CABP1: variants seen among roughly 807,000 people sequenced by gnomAD.
CABP1 encodes the protein calcium-binding protein 1.
CABP1 carries 17 observed loss-of-function variants against 34.3 expected under a neutral mutation model. That is an observed-to-expected ratio of 0.50 (90% CI 0.34 to 0.74). The LOEUF is 0.74. Among genes scored for constraint, CABP1 ranks in the 30% least tolerant of loss-of-function variants. The pLI, the probability that CABP1 is intolerant of heterozygous loss-of-function variation, is 0.01. For synonymous variants in CABP1, 198 were observed against 229.2 expected (o/e 0.86, Z 1.23); for missense variants, 373 against 511.1 (o/e 0.73, Z 2.61).
At chr12:120,666,811 A>T in intron 5 of CABP1, 64 bp from the exon 6 acceptor site, 1 of 1,553,170 alleles carries the variant, frequency 6.4e-7, no homozygotes, top group Non-Finnish European at 8.7e-7. Context: ...TGGGGTCTGA[A>T]GGCAGCAACC....
chr12:120,648,931 C>A (rs1879676269), intron 1 of CABP1, among the ~76,000 whole-genome samples: 1 of 152,020 alleles, frequency 6.6e-6, no homozygotes, highest in South Asian at 2.1e-4. Flanking sequence ...CCAGACCTCC[C>A]CGTCCTTCCC....
At chr12:120,655,447 G>T (rs1880117281) in intron 1 of CABP1, 6 of 737,276 alleles carry the variant, frequency 8.1e-6, no homozygotes, top group Non-Finnish European at 1.0e-5. Context: ...AAAAGGAGGG[G>T]GCATGTTTCC....
intron 5 of CABP1, 82 bp from the exon 6 acceptor site, chr12:120,666,793 C>A: frequency 2.0e-6 from 3 of 1,471,004 alleles, no homozygotes; most frequent in Non-Finnish European, 2.8e-6. Context: ...GGGGCAGTGG[C>A]AACAGGGTGG....
Position 120,667,031 on chromosome 12 carries a change from G to T in CABP1, c.*131G>T. On this transcript the variant is annotated 3_prime_UTR_variant, in exon 6 of 6. Coordinates refer to ENST00000316803, the MANE Select transcript of CABP1 (RefSeq NM_001033677.2). ...CGGATGGGGCCTGCCTGCACCCCGG[G>T]GAGGCGCCCACCCCGGACCCCCACC... is the stretch of plus-strand genomic sequence containing the variant. The T allele has an allele frequency of 1.8e-6, 2 of 1,134,500 alleles. No homozygotes were observed. Among genetic ancestry groups the T allele is most frequent in the Non-Finnish European group, 2.5e-6 (2 of 786,812 alleles). The allele number at this position is 1,134,500 out of a possible 1,614,324, so 70.3% of individuals were successfully genotyped here.
chr12:120,673,225 A>G, the CABP1 span, among the ~76,000 whole-genome samples: 1 of 152,128 alleles, frequency 6.6e-6, no homozygotes, highest in South Asian at 2.1e-4. Context: ...TGCTTGCTTC[A>G]TGATAATTCA....
intron 1 of CABP1, chr12:120,650,689 T>G (rs1001605405): frequency 1.2e-6 from 2 of 1,614,000 alleles, no homozygotes; most frequent in Non-Finnish European, 1.7e-6. Context: ...GAAGGTATGT[T>G]TTTGGAGTTT....
At position 120,656,459 on chromosome 12, in the gene CABP1, A is replaced by ATG. The variant is rs1880233475; in HGVS notation, c.655-3419_655-3418insTG. On this transcript the variant is annotated intron_variant, in intron 1 of 5. Transcript: ENST00000316803. ...CCACGAGCAAAATAATGATGATGAT[A>ATG]ATAATAATAATAATATCAGATACAT... Among the ~76,000 whole-genome samples the ATG allele has an allele frequency of 8.9e-5, 8 of 89,442 alleles. No individual in the cohort carries two copies. The East Asian group carries it at 9.1e-4, about 10-fold the overall frequency. 58.7% of individuals were successfully genotyped at this position (89,442 alleles called of 152,430 possible). A position where few individuals can be genotyped will look rare whatever the true frequency, so the allele number is the denominator to read the frequency against.
At chr12:120,652,834 C>A (rs1489400391) in intron 1 of CABP1, among the ~76,000 whole-genome samples, 1 of 152,164 alleles carries the variant, frequency 6.6e-6, no homozygotes, top group Non-Finnish European at 1.5e-5. Context: ...CCTCCTGTTG[C>A]CATGCCACAC....
chr12:120,674,626 T>C, the CABP1 span, among the ~76,000 whole-genome samples: 73,105 of 152,032 alleles, frequency 0.48, 18,243 homozygotes, highest in African/African-American at 0.6. Context: ...GGGGTAGCCA[T>C]GCCTGTAATC....
downstream of CABP1, among the ~76,000 whole-genome samples, chr12:120,667,867 G>A (rs1333493138): frequency 6.6e-6 from 1 of 152,148 alleles, no homozygotes; most frequent in African/African-American, 2.4e-5. Context: ...GACTGCTAAG[G>A]GAGACTGAAG....
At chr12:120,651,760 A>G (rs888375083) in intron 1 of CABP1, among the ~76,000 whole-genome samples, 4 of 151,952 alleles carry the variant, frequency 2.6e-5, no homozygotes, top group African/African-American at 9.7e-5. Flanking sequence ...GCTCACATCA[A>G]ATTCCTTCTA....
intron 1 of CABP1, among the ~76,000 whole-genome samples, chr12:120,642,496 G>C (rs1879381590): frequency 6.6e-6 from 1 of 152,224 alleles, no homozygotes; most frequent in African/African-American, 2.4e-5. Flanking sequence ...ACATGGATTT[G>C]GGTTGCGTGG....
chr12:120,657,242 A>T lies in CABP1; in HGVS notation c.655-2636A>T, dbSNP rs151287054. On this transcript the variant is annotated intron_variant, in intron 1 of 5. Coordinates refer to ENST00000316803, the MANE Select transcript of CABP1 (RefSeq NM_001033677.2). ...CGGCTAGTGAATTGGCCAGCTTTCT[A>T]CAAGTAGCTAAATAGTTCAAAGAGA... Among the ~76,000 whole-genome samples the T allele has an allele frequency of 2.3e-3, 357 of 152,310 alleles. 2 individuals are homozygous for T. The highest frequency in any genetic ancestry group is 8.1e-3 in the African/African-American group (336 of 41,564).
Position 120,660,381 on chromosome 12 carries a change from C to G in CABP1, c.829+42C>G, listed in dbSNP as rs377392438. The G allele has an allele frequency of 2.6e-5, 41 of 1,589,630 alleles. No individual in the cohort carries two copies. The highest frequency in any genetic ancestry group is 3.5e-5 in the Non-Finnish European group (41 of 1,169,152). On this transcript the variant is annotated intron_variant, in intron 3 of 5. Coordinates refer to ENST00000316803, the MANE Select transcript of CABP1 (RefSeq NM_001033677.2). The surrounding 1 kb of genome is among the most constrained non-coding windows in gnomAD (Gnocchi z 5.0). ...GGCATCTGCGTCCCTTCGGTCCTCA[C>G]CCTTGCCGTCCTCTGCAGTCAGACA...
intron 1 of CABP1, among the ~76,000 whole-genome samples, chr12:120,643,157 G>A (rs1402218276): frequency 1.3e-5 from 2 of 152,096 alleles, no homozygotes; most frequent in African/African-American, 4.8e-5. Flanking sequence ...AATGTCACCA[G>A]GGTCACCTGA....
intron 5 of CABP1, among the ~76,000 whole-genome samples, chr12:120,666,483 A>G (rs1288356919): frequency 6.6e-6 from 1 of 151,308 alleles, no homozygotes; most frequent in Admixed American, 6.6e-5. Flanking sequence ...CAAAAAAAAA[A>G]AAAAAAAAAA....
intron 5 of CABP1, among the ~76,000 whole-genome samples, chr12:120,664,102 G>A (rs1190040022): frequency 4.6e-5 from 7 of 152,174 alleles, no homozygotes; most frequent in African/African-American, 1.7e-4. Context: ...TCCAGGTAGC[G>A]CCCACCACAG....
At chr12:120,657,087 G>T (rs759333142) in intron 1 of CABP1, among the ~76,000 whole-genome samples, 1 of 152,150 alleles carries the variant, frequency 6.6e-6, no homozygotes, top group Non-Finnish European at 1.5e-5. Flanking sequence ...TAAATTCCGT[G>T]CTGTCCGATA....
chr12:120,660,490 C>T lies in CABP1; in HGVS notation c.829+151C>T, dbSNP rs1880557543. On this transcript the variant is annotated intron_variant, in intron 3 of 5. Transcript: ENST00000316803. This position sits in a 1 kb window ranked among gnomAD's most constrained non-coding sequence, Gnocchi z 5.0. The stretch of plus-strand genomic sequence containing the variant: ...CTTACCCTCTCTGAGCCTCAGTTTC[C>T]TCACCTGTAAAATGAGGGCCGAATT... 1 of 931,468 alleles carries T rather than the reference C, an allele frequency of 1.1e-6. No individual in the cohort carries two copies. Among genetic ancestry groups the T allele is most frequent in the Admixed American group, 2.6e-5 (1 of 38,230 alleles). The allele number at this position is 931,468 out of a possible 1,614,324, so 57.7% of individuals were successfully genotyped here.
Sources: allele counts gnomAD v4.1 joint callset (sites outside exome capture counted in the v4.1 genomes callset), GRCh38; gene constraint gnomAD v4.1.1; non-coding constraint Gnocchi (gnomAD v3.1); transcripts MANE v1.5; gene names NCBI Gene and HGNC (gene_info 2026-07-23, HGNC 2026-07-21).